Variants in MFHAS1 observed in about 807,000 individuals in gnomAD.
The protein encoded by MFHAS1 is multifunctional ROCO family signaling regulator 1.
In MFHAS1, 50 loss-of-function variants were observed where a neutral mutation model predicts 70.4. The ratio of observed to expected loss-of-function variants is 0.71; its 90% CI spans 0.57 to 0.90. The LOEUF is 0.90. Ranked by LOEUF, MFHAS1 falls within the 40% of genes least tolerant of loss-of-function variation. The probability of loss-of-function intolerance (pLI) is 0.00; values close to 1 mark genes in which losing one functional copy is unlikely to be tolerated. For synonymous variants in MFHAS1, 952 were observed against 620.0 expected (o/e 1.54, Z -7.96); for missense variants, 1,795 against 1,347.6 (o/e 1.33, Z -5.20).
At chr8:8,856,094 C>T (rs1369841340) in intron 1 of MFHAS1, among the ~76,000 whole-genome samples, 1 of 152,152 alleles carries the variant, frequency 6.6e-6, no homozygotes, top group Non-Finnish European at 1.5e-5. Flanking sequence ...GACGGTCTTC[C>T]CCATGTCTGC....
At chr8:8,888,359 A>C (rs1809851234) in intron 1 of MFHAS1, among the ~76,000 whole-genome samples, 1 of 152,198 alleles carries the variant, frequency 6.6e-6, no homozygotes, top group African/African-American at 2.4e-5. Context: ...GACAAAGATC[A>C]GAGTGGGACG....
intron 1 of MFHAS1, among the ~76,000 whole-genome samples, chr8:8,887,946 CTCCTTTTGTTGTTAATAA>C (rs2116943354): frequency 6.6e-6 from 1 of 151,386 alleles, no homozygotes; most frequent in East Asian, 1.9e-4. Flanking sequence ...ACCTATGTCT[CTCCTTTTGTTGTTAATAA>C]CATTCGTTTT....
chr8:8,882,803 C>A (rs1207584542), intron 1 of MFHAS1, among the ~76,000 whole-genome samples: 2 of 151,990 alleles, frequency 1.3e-5, no homozygotes, highest in Non-Finnish European at 2.9e-5. Flanking sequence ...GGCTGCCAGC[C>A]CCCAGAAGAA....
At chr8:8,887,305 A>T (rs1429625339) in intron 1 of MFHAS1, among the ~76,000 whole-genome samples, 1 of 152,114 alleles carries the variant, frequency 6.6e-6, no homozygotes, top group African/African-American at 2.4e-5. Context: ...TTTATTTCTA[A>T]CTCATTATTT....
Position 8,825,175 on chromosome 8 carries a change from G to A in MFHAS1, c.2999-27684C>T, listed in dbSNP as rs147190876. ...TGGAGAACTTAAAGAAAAGGGTTGC[G>A]GTTTTTTTGTTTTTTGAGATGGAGT... On this transcript the variant is annotated intron_variant, in intron 1 of 2. Transcript: ENST00000276282. Among the ~76,000 whole-genome samples, 765 of 152,194 alleles carry A rather than the reference G, an allele frequency of 5.0e-3. 3 individuals are homozygous for A. Among genetic ancestry groups the A allele is most frequent in the African/African-American group, 0.017 (712 of 41,552 alleles).
At chr8:8,830,371 G>A (rs762472056) in intron 1 of MFHAS1, among the ~76,000 whole-genome samples, 10 of 152,272 alleles carry the variant, frequency 6.6e-5, no homozygotes, top group Middle Eastern at 3.4e-3. Context: ...TTCATCAAAC[G>A]ATTTGGCTTT....
chr8:8,785,586 T>A lies in MFHAS1; in HGVS notation c.*436A>T, dbSNP rs1162920186. On this transcript the variant is annotated 3_prime_UTR_variant, in exon 3 of 3. Coordinates refer to ENST00000276282, the MANE Select transcript of MFHAS1 (RefSeq NM_004225.3). ...AAAATAAAGATAAACATATACATAT[T>A]TTACACTAGTTATGGAACAGCAATG... 6.1e-6 allele frequency: 1 copy of A among 163,274 alleles called. No individual in the cohort carries two copies. The highest frequency in any genetic ancestry group is 1.3e-5 in the Non-Finnish European group (1 of 74,334). The allele number at this position is 163,274 out of a possible 1,614,324, so 10.1% of individuals were successfully genotyped here. A position where few individuals can be genotyped will look rare whatever the true frequency, so the allele number is the denominator to read the frequency against.
chr8:8,804,505 G>C (rs542198982), intron 1 of MFHAS1, among the ~76,000 whole-genome samples: 1 of 152,212 alleles, frequency 6.6e-6, no homozygotes, highest in Non-Finnish European at 1.5e-5. Context: ...AGTACAATCG[G>C]TAGGGTAAAT....
At chr8:8,822,079 C>A (rs1194969542) in intron 1 of MFHAS1, 1 of 152,360 alleles carries the variant, frequency 6.6e-6, no homozygotes, top group Non-Finnish European at 1.5e-5. Flanking sequence ...GGCCTTGAGA[C>A]CCTGGCCACA....
intron 1 of MFHAS1, among the ~76,000 whole-genome samples, chr8:8,814,881 C>A (rs957314276): frequency 1.1e-4 from 15 of 138,214 alleles, no homozygotes; most frequent in Non-Finnish European, 1.7e-4. Context: ...ATTTTAGGTT[C>A]TGGGGTACAT....
intron 1 of MFHAS1, among the ~76,000 whole-genome samples, chr8:8,797,711 T>C (rs941000952): frequency 1.1e-4 from 17 of 152,178 alleles, no homozygotes; most frequent in Non-Finnish European, 2.1e-4. Flanking sequence ...AAAATTTTCA[T>C]GGTTATGGCA....
intron 1 of MFHAS1, among the ~76,000 whole-genome samples, chr8:8,819,531 G>A (rs942780528): frequency 3.3e-5 from 5 of 151,226 alleles, no homozygotes; most frequent in African/African-American, 7.3e-5. Flanking sequence ...CGTGAATCGG[G>A]AGGCGGAGCT....
At chr8:8,788,032 C>G (rs1408564496) in intron 2 of MFHAS1, among the ~76,000 whole-genome samples, 1 of 152,234 alleles carries the variant, frequency 6.6e-6, no homozygotes, top group Non-Finnish European at 1.5e-5. Context: ...TCAAGTACGA[C>G]TTCCTGGAAC....
At chr8:8,801,034 T>TA (rs1806067766) in intron 1 of MFHAS1, among the ~76,000 whole-genome samples, 1 of 151,782 alleles carries the variant, frequency 6.6e-6, no homozygotes, top group South Asian at 2.1e-4. Context: ...GCCAACATGG[T>TA]AAAACCCCGC....
At chr8:8,808,749 C>T (rs571126852) in intron 1 of MFHAS1, among the ~76,000 whole-genome samples, 2 of 152,274 alleles carry the variant, frequency 1.3e-5, no homozygotes, top group East Asian at 1.9e-4. Context: ...AAGATATGAC[C>T]GGAAACGTTT....
chr8:8,891,275 T>C lies in MFHAS1; in HGVS notation c.1784A>G (p.Tyr595Cys), dbSNP rs140782884. The change falls in exon 1 of 3, where the codon TAC (tyrosine) becomes TGC (cysteine). Residue 595 changes from tyrosine (Y) to cysteine (C), a missense_variant. Coordinates refer to ENST00000276282, the MANE Select transcript of MFHAS1 (RefSeq NM_004225.3). This position sits in a 1 kb window ranked among gnomAD's most constrained non-coding sequence, Gnocchi z 5.4. ...ELRSASPHAA[Y>C]YGVSDKNLRR... Reference sequence around the variant, plus strand: ...AAGGTTCTTGTCCGAAACGCCATAGTAGGCTGCGTGGGGGCTGGCAGAGCG... The same window carrying C: ...AAGGTTCTTGTCCGAAACGCCATAGCAGGCTGCGTGGGGGCTGGCAGAGCG... 1.9e-6 allele frequency: 3 copies of C among 1,611,950 alleles called. No homozygotes were observed. The highest frequency in any genetic ancestry group is 2.5e-6 in the Non-Finnish European group (3 of 1,180,020).
Position 8,892,470 on chromosome 8 carries a change from G to T in MFHAS1, c.589C>A (p.Pro197Thr), listed in dbSNP as rs747273042. The change falls in exon 1 of 3, where the codon CCC becomes ACC. Residue 197 changes from proline to threonine, a missense_variant. Physicochemically the swap from Pro to Thr is conservative, Grantham distance 38. Transcript: ENST00000276282. The surrounding 1 kb of genome is among the most constrained non-coding windows in gnomAD (Gnocchi z 4.7). ...GCCACCAGCTGCAGCAGCTGCCGGG[G>T]GAAGGCAGTGAGCTGGTTGTGATCC... ...DVDHNQLTAF[P>T]RQLLQLVALE... 39 of 1,608,164 alleles carry T rather than the reference G, an allele frequency of 2.4e-5. No homozygotes were observed. Among genetic ancestry groups the T allele is most frequent in the Non-Finnish European group, 1.7e-6 (2 of 1,177,426 alleles).
At chr8:8,786,525 T>C (rs1199448432) in intron 2 of MFHAS1, among the ~76,000 whole-genome samples, 2 of 152,194 alleles carry the variant, frequency 1.3e-5, no homozygotes, top group Non-Finnish European at 2.9e-5. Flanking sequence ...TAAAATGTTA[T>C]AAGTTAAGTT....
chr8:8,871,696 G>T (rs1363646290), intron 1 of MFHAS1, among the ~76,000 whole-genome samples: 1 of 152,154 alleles, frequency 6.6e-6, no homozygotes, highest in Non-Finnish European at 1.5e-5. Flanking sequence ...TGAGGCCCAG[G>T]GAGGCCAAGT....
Sources: gnomAD v4.1 joint callset for allele counts (sites outside exome capture counted in the v4.1 genomes callset) on GRCh38, gnomAD v4.1.1 for gene constraint, Gnocchi (gnomAD v3.1) non-coding constraint, MANE v1.5 for transcripts, NCBI Gene and HGNC (gene_info 2026-07-23, HGNC 2026-07-21) for gene names.